Variants in RBMS2 observed in about 807,000 individuals in gnomAD.
RBMS2 encodes RNA binding motif single stranded interacting protein 2.
In RBMS2, 38 loss-of-function variants were observed where a neutral mutation model predicts 58.4. The ratio of observed to expected loss-of-function variants is 0.65; its 90% CI spans 0.50 to 0.85. The LOEUF (loss-of-function observed/expected upper bound fraction) is 0.85. Among genes scored for constraint, RBMS2 ranks in the 40% least tolerant of loss-of-function variants. RBMS2 has a pLI of 0.00. For missense variants in RBMS2, 367 were observed against 503.7 expected (o/e 0.73, Z 2.60); for synonymous variants, 151 against 180.7 (o/e 0.84, Z 1.32).
At chr12:56,568,828 C>T in intron 2 of RBMS2, 147 bp from the exon 3 acceptor site, 1 of 675,080 alleles carries the variant, frequency 1.5e-6, no homozygotes, top group Non-Finnish European at 2.4e-6. Context: ...CTGCACCCGG[C>T]CCCCGTTTCT....
chr12:56,590,456 G>C lies in RBMS2; in HGVS notation c.*1323G>C, dbSNP rs944244140. 6.6e-6 allele frequency: 1 copy of C among 152,296 alleles called. No homozygotes were observed. The highest frequency in any genetic ancestry group is 2.4e-5 in the African/African-American group (1 of 41,426). The allele number at this position is 152,296 out of a possible 1,614,324, so 9.4% of individuals were successfully genotyped here. Reference sequence around the variant, plus strand: ...TAGTGGCTGCTAAACATCCTACACTGCATAGGATAGTCCCCACTACCCCCA... The same window carrying C: ...TAGTGGCTGCTAAACATCCTACACTCCATAGGATAGTCCCCACTACCCCCA... On this transcript the variant is annotated 3_prime_UTR_variant, in exon 14 of 14. Coordinates refer to ENST00000262031, the MANE Select transcript of RBMS2 (RefSeq NM_002898.4).
In RBMS2 at chr12:56,591,355, G is replaced by A. The variant is rs569916574; in HGVS notation, c.*2222G>A. On this transcript the variant is annotated 3_prime_UTR_variant, in exon 14 of 14. Transcript: ENST00000262031. ...AATTGAGAGTCCCAGTGCCCCTAGTGTCGACTTTCTATGTACATCCTAGGG... is the reference window on the plus strand; with the variant it reads ...AATTGAGAGTCCCAGTGCCCCTAGTATCGACTTTCTATGTACATCCTAGGG... 2 of 152,292 alleles carry A rather than the reference G, an allele frequency of 1.3e-5. No individual in the cohort carries two copies. Among genetic ancestry groups the A allele is most frequent in the Non-Finnish European group, 2.9e-5 (2 of 68,048 alleles). 9.4% of individuals were successfully genotyped at this position (152,292 alleles called of 1,614,324 possible). A position where few individuals can be genotyped will look rare whatever the true frequency, so the allele number is the denominator to read the frequency against.
At chr12:56,544,218 A>G (rs113859179) in intron 1 of RBMS2, among the ~76,000 whole-genome samples, 14,605 of 151,858 alleles carry the variant, frequency 0.096, 918 homozygotes, top group Non-Finnish European at 0.12. Context: ...GGAGCTTGCA[A>G]TGAGCCGAGA....
At chr12:56,537,911 G>C (rs1417099773) in intron 1 of RBMS2, among the ~76,000 whole-genome samples, 1 of 147,918 alleles carries the variant, frequency 6.8e-6, no homozygotes, top group African/African-American at 2.5e-5. Context: ...CCATGGTTTT[G>C]ATTTCTGTTT....
chr12:56,545,932 C>T (rs1354278974), intron 1 of RBMS2, among the ~76,000 whole-genome samples: 3 of 14,816 alleles, frequency 2.0e-4, no homozygotes, highest in Non-Finnish European at 5.4e-4. Flanking sequence ...TCTTCCCTTT[C>T]TTTTCTTTTT....
intron 11 of RBMS2, 92 bp from the exon 12 acceptor site, chr12:56,588,202 T>C: frequency 2.0e-6 from 2 of 988,462 alleles, no homozygotes; most frequent in Non-Finnish European, 1.6e-6. Context: ...TGGGGTAGAA[T>C]ACAGGTGTCA....
chr12:56,568,896 T>A lies in RBMS2; in HGVS notation c.234-79T>A, dbSNP rs1881824942. On this transcript the variant is annotated intron_variant, in intron 2 of 13. Transcript: ENST00000262031. ...GTTAGATCATGGAAAGGGCATGGAT[T>A]TGTTGAGATGTCTGAATCTCTGTCC... 16 of 1,229,710 alleles carry A rather than the reference T, an allele frequency of 1.3e-5. No individual in the cohort carries two copies. The South Asian group carries it at 1.9e-4, about 15-fold the overall frequency. The allele number at this position is 1,229,710 out of a possible 1,614,324, so 76.2% of individuals were successfully genotyped here.
chr12:56,588,602 G>A, intron 12 of RBMS2: 1 of 585,652 alleles, frequency 1.7e-6, no homozygotes, highest in Non-Finnish European at 3.0e-6. Flanking sequence ...ATGCAAATTT[G>A]TGAAGCGTTC....
intron 9 of RBMS2, 138 bp downstream of exon 9, chr12:56,582,290 A>G (rs1884071791): frequency 1.3e-6 from 1 of 746,460 alleles, no homozygotes; most frequent in South Asian, 2.2e-5. Context: ...AACAGCGTAA[A>G]AGATGATCTG....
At chr12:56,563,867 AG>A (rs1211616554) in intron 2 of RBMS2, among the ~76,000 whole-genome samples, 1 of 152,162 alleles carries the variant, frequency 6.6e-6, no homozygotes, top group Non-Finnish European at 1.5e-5. Flanking sequence ...AGTGGAATTA[AG>A]GGGACTGTCT....
At chr12:56,560,505 C>T (rs567747278) in intron 1 of RBMS2, among the ~76,000 whole-genome samples, 9 of 152,202 alleles carry the variant, frequency 5.9e-5, no homozygotes, top group African/African-American at 1.9e-4. Context: ...CCACCCACCT[C>T]GACCTCCCAA....
intron 1 of RBMS2, among the ~76,000 whole-genome samples, chr12:56,558,183 G>A (rs1479137140): frequency 7.2e-6 from 1 of 139,362 alleles, no homozygotes; most frequent in Non-Finnish European, 1.5e-5. Flanking sequence ...GAGAAGCTGG[G>A]ACTACAAGCA....
At chr12:56,522,836 A>G (rs1476614113) in intron 1 of RBMS2, among the ~76,000 whole-genome samples, 1 of 152,156 alleles carries the variant, frequency 6.6e-6, no homozygotes, top group African/African-American at 2.4e-5. Context: ...CATATTTGAC[A>G]AGGAATATAT....
In RBMS2 at chr12:56,588,937, C is replaced by T. The variant is rs1885060259; in HGVS notation, c.1149C>T (p.Ser383=). ...VPSSSVSVEE[S]SGQQNQVAVD... ...CCTCCTTGGCTATGGCACAGGAGAG[C>T]AGCGGCCAACAGAACCAAGTGGCAG... Residue 383 remains serine, a synonymous_variant, in exon 13 of 14, where the codon AGC becomes AGT. Coordinates refer to ENST00000262031, the MANE Select transcript of RBMS2 (RefSeq NM_002898.4). 1 of 1,614,032 alleles carries T rather than the reference C, an allele frequency of 6.2e-7. No individual in the cohort carries two copies.
chr12:56,525,711 G>A (rs924519688), intron 1 of RBMS2, among the ~76,000 whole-genome samples: 14 of 151,876 alleles, frequency 9.2e-5, no homozygotes, highest in African/African-American at 3.4e-4. Flanking sequence ...ACCCAGGCTG[G>A]AGTGCAGTGG....
intron 1 of RBMS2, among the ~76,000 whole-genome samples, chr12:56,541,845 AAGGGAG>A: frequency 6.6e-6 from 1 of 152,192 alleles, no homozygotes; most frequent in Non-Finnish European, 1.5e-5. Context: ...AGTCACTAAG[AAGGGAG>A]GGGTGATATG....
chr12:56,558,936 G>A (rs931247967), intron 1 of RBMS2, among the ~76,000 whole-genome samples: 2 of 151,904 alleles, frequency 1.3e-5, no homozygotes, highest in Middle Eastern at 3.4e-3. Flanking sequence ...TCACTATGTT[G>A]CTCAGGCTAG....
At chr12:56,542,897 TTTTATTTA>T (rs753325743) in intron 1 of RBMS2, among the ~76,000 whole-genome samples, 23 of 151,312 alleles carry the variant, frequency 1.5e-4, no homozygotes, top group East Asian at 5.8e-4. Context: ...TTTTTATTAT[TTTTATTTA>T]TTTATTTATT....
chr12:56,571,660 G>A (rs780433531), intron 4 of RBMS2, 38 bp from the exon 5 acceptor site: 1 of 1,473,374 alleles, frequency 6.8e-7, no homozygotes, highest in South Asian at 1.4e-5. Flanking sequence ...AGAGGGATAA[G>A]AGATGTGAGC....
Sources: gnomAD v4.1 joint callset for allele counts (sites outside exome capture counted in the v4.1 genomes callset) on GRCh38, gnomAD v4.1.1 for gene constraint, MANE v1.5 for transcripts, NCBI Gene and HGNC (gene_info 2026-07-23, HGNC 2026-07-21) for gene names.